ANXA10: variants seen among roughly 807,000 people sequenced by gnomAD.
The protein encoded by ANXA10 is annexin A10.
A neutral mutation model predicts 53.5 loss-of-function variants in ANXA10; 49 were observed. That is an observed-to-expected ratio of 0.92 (90% CI 0.73 to 1.16). The LOEUF (loss-of-function observed/expected upper bound fraction) is 1.16. Among genes scored for constraint, ANXA10 ranks in the 50% most tolerant of loss-of-function variants. The probability of loss-of-function intolerance (pLI) is 0.00; values close to 1 mark genes in which losing one functional copy is unlikely to be tolerated. For missense variants in ANXA10, 393 were observed against 394.4 expected, an observed-to-expected ratio of 1.00 and a Z score of 0.03; for synonymous variants, 131 against 128.9, an observed-to-expected ratio of 1.02 and a Z score of -0.11.
At chr4:168,143,530 CA>C (rs1007809192) in intron 3 of ANXA10, among the ~76,000 whole-genome samples, 2 of 152,136 alleles carry the variant, frequency 1.3e-5, no homozygotes, top group African/African-American at 4.8e-5. Context: ...ACATATTTAT[CA>C]AAGTAATTCA....
chr4:168,093,181 A>AT (rs1325205684), intron 1 of ANXA10, among the ~76,000 whole-genome samples: 9 of 152,180 alleles, frequency 5.9e-5, no homozygotes, highest in East Asian at 5.8e-4. Context: ...TTATCATAAG[A>AT]TTTTTTATCT....
intron 1 of ANXA10, among the ~76,000 whole-genome samples, chr4:168,108,747 C>A (rs1316974190): frequency 1.3e-5 from 2 of 152,112 alleles, no homozygotes; most frequent in Admixed American, 1.3e-4. Flanking sequence ...AGCTATGTAG[C>A]CACGCAATCT....
intron 1 of ANXA10, among the ~76,000 whole-genome samples, chr4:168,101,899 T>A (rs139285220): frequency 8.1e-4 from 124 of 152,194 alleles, no homozygotes; most frequent in African/African-American, 2.7e-3. Flanking sequence ...ATACCTCCAA[T>A]CTAATCAACA....
chr4:168,165,213 A>G lies in ANXA10; in HGVS notation c.401-34A>G, dbSNP rs1731854075. The G allele has an allele frequency of 2.9e-6, 4 of 1,387,920 alleles. No homozygotes were observed. In the East Asian group the frequency reaches 7.0e-5, roughly 24 times the overall value. 86.0% of individuals were successfully genotyped at this position (1,387,920 alleles called of 1,614,324 possible). On this transcript the variant is annotated intron_variant, in intron 5 of 11. Transcript: ENST00000359299. ...AAACACACTGATACATAGTTCTATA[A>G]TAAATCATACCTTTAACATGTTTTC...
rs183259182 is a variant in ANXA10, at chr4:168,184,410, G to A, written c.784-149G>A. Reference sequence around the variant, plus strand: ...AAGTGACAGAAATGACTCAGGATCTGAACCACAGCCTGTGTGGCCAGTGAT... The same window carrying A: ...AAGTGACAGAAATGACTCAGGATCTAAACCACAGCCTGTGTGGCCAGTGAT... On this transcript the variant is annotated intron_variant, in intron 10 of 11. Coordinates refer to ENST00000359299, the MANE Select transcript of ANXA10 (RefSeq NM_007193.5). 17 of 860,758 alleles carry A rather than the reference G, an allele frequency of 2.0e-5. No individual in the cohort carries two copies. In the Admixed American group the frequency reaches 3.4e-4, roughly 17 times the overall value. The allele number at this position is 860,758 out of a possible 1,614,324, so 53.3% of individuals were successfully genotyped here. A position where few individuals can be genotyped will look rare whatever the true frequency, so the allele number is the denominator to read the frequency against.
At chr4:168,130,820 TA>T (rs1430536527) in intron 2 of ANXA10, among the ~76,000 whole-genome samples, 1 of 151,714 alleles carries the variant, frequency 6.6e-6, no homozygotes, top group African/African-American at 2.4e-5. Context: ...TCGTTTCTGA[TA>T]TTCGTAAGTT....
At chr4:168,112,061 A>C (rs1730817143) in intron 1 of ANXA10, among the ~76,000 whole-genome samples, 1 of 152,172 alleles carries the variant, frequency 6.6e-6, no homozygotes, top group Non-Finnish European at 1.5e-5. Flanking sequence ...TGGGAGGCCA[A>C]GGCAGGCGGA....
At position 168,128,763 on chromosome 4, in the gene ANXA10, T is replaced by G. The variant is rs1731113166; in HGVS notation, c.100+598T>G. Among the ~76,000 whole-genome samples, 3 of 152,032 alleles carry G rather than the reference T, an allele frequency of 2.0e-5. No individual in the cohort carries two copies. In the South Asian group the frequency reaches 6.2e-4, roughly 31 times the overall value. On this transcript the variant is annotated intron_variant, in intron 2 of 11. Transcript: ENST00000359299. ...CCAACCCCCCAGGCACCTTACTTCC[T>G]ACCTCTCACTCCCCTAATCTCATTT...
chr4:168,181,255 G>A (rs185124121), intron 9 of ANXA10, among the ~76,000 whole-genome samples: 4 of 151,936 alleles, frequency 2.6e-5, no homozygotes, highest in Non-Finnish European at 4.4e-5. Context: ...GCCGGGCGTG[G>A]TGGCGGGCGC....
At chr4:168,150,321 G>A (rs17053692) in intron 3 of ANXA10, among the ~76,000 whole-genome samples, 2,940 of 152,182 alleles carry the variant, frequency 0.019, 89 homozygotes, top group African/African-American at 0.064. Flanking sequence ...TGTAAACTGC[G>A]AAAATATCTG....
At chr4:168,094,851 G>T (rs762935113) in intron 1 of ANXA10, among the ~76,000 whole-genome samples, 1 of 151,984 alleles carries the variant, frequency 6.6e-6, no homozygotes, top group African/African-American at 2.4e-5. Context: ...AGTTAGGCGG[G>T]CCCCAGTGAT....
rs1352404582 is a variant in ANXA10, at chr4:168,155,843, AATATAATATATC to A, written c.196-6679_196-6668del. 8.3e-3 allele frequency among the ~76,000 whole-genome samples: 139 copies of A among 16,722 alleles called. 10 individuals are homozygous for A. The highest frequency in any genetic ancestry group is 0.033 in the African/African-American group (123 of 3,682). 11.0% of individuals were successfully genotyped at this position (16,722 alleles called of 152,430 possible). Reference sequence around the variant, plus strand: ...ATATGATATATGATATATCATATATAATATAATATATCATATATGATATATCATATATTATAT... The same window carrying A: ...ATATGATATATGATATATCATATATAATATATGATATATCATATATTATAT... On this transcript the variant is annotated intron_variant, in intron 3 of 11. Coordinates refer to ENST00000359299, the MANE Select transcript of ANXA10 (RefSeq NM_007193.5).
At position 168,154,014 on chromosome 4, in the gene ANXA10, G is replaced by A. The variant is rs1310272008; in HGVS notation, c.196-8514G>A. Among the ~76,000 whole-genome samples the A allele has an allele frequency of 5.3e-5, 8 of 150,288 alleles. 1 individual carries two copies. Among genetic ancestry groups the A allele is most frequent in the Admixed American group, 4.0e-4 (6 of 15,100 alleles). On this transcript the variant is annotated intron_variant, in intron 3 of 11. Transcript: ENST00000359299. ...CACACACACACACACGCACACACGC[G>A]CGCGCGCGTGCCTCTGAGTTGAAAA...
Position 168,159,462 on chromosome 4 carries a change from T to C in ANXA10, c.196-3066T>C, listed in dbSNP as rs78645408. ...AATTTCTTCAATATTTTGTATAGGATTTACTTTACCCCTTCCATAAGGGCT... is the reference window on the plus strand; with the variant it reads ...AATTTCTTCAATATTTTGTATAGGACTTACTTTACCCCTTCCATAAGGGCT... On this transcript the variant is annotated intron_variant, in intron 3 of 11. Transcript: ENST00000359299. Among the ~76,000 whole-genome samples, 7 of 152,310 alleles carry C rather than the reference T, an allele frequency of 4.6e-5. No homozygotes were observed. The East Asian group carries it at 1.3e-3, about 29-fold the overall frequency.
At chr4:168,130,359 T>C (rs1731138617) in intron 2 of ANXA10, among the ~76,000 whole-genome samples, 1 of 152,138 alleles carries the variant, frequency 6.6e-6, no homozygotes, top group South Asian at 2.1e-4. Context: ...TGCATTATTA[T>C]ATCTGACTTT....
intron 8 of ANXA10, among the ~76,000 whole-genome samples, chr4:168,178,822 G>A (rs1288332183): frequency 6.6e-6 from 1 of 152,084 alleles, no homozygotes; most frequent in African/African-American, 2.4e-5. Flanking sequence ...TCACAGAGAG[G>A]ACTTTTACAC....
chr4:168,124,394 T>A (rs1731036457), intron 1 of ANXA10, among the ~76,000 whole-genome samples: 2 of 152,090 alleles, frequency 1.3e-5, no homozygotes, highest in Admixed American at 6.5e-5. Flanking sequence ...GGTGTAGGAA[T>A]AGAGAGGCTC....
intron 4 of ANXA10, 61 bp downstream of exon 4, chr4:168,162,702 G>A (rs1578927721): frequency 7.7e-7 from 1 of 1,301,670 alleles, no homozygotes; most frequent in South Asian, 1.2e-5. Context: ...CAGTAGAGGG[G>A]AAACTGCCCT....
intron 1 of ANXA10, among the ~76,000 whole-genome samples, chr4:168,112,576 T>A (rs887405885): frequency 2.6e-5 from 4 of 152,186 alleles, no homozygotes; most frequent in Non-Finnish European, 5.9e-5. Flanking sequence ...AATTATATAT[T>A]AATTTTCTAA....
Sources: gnomAD v4.1 joint callset for allele counts (sites outside exome capture counted in the v4.1 genomes callset) on GRCh38, gnomAD v4.1.1 for gene constraint, MANE v1.5 for transcripts, NCBI Gene and HGNC (gene_info 2026-07-23, HGNC 2026-07-21) for gene names.